The following DIP2B variants were observed in gnomAD, a reference collection of about 807,000 sequenced individuals.
DIP2B encodes DIP2 acetate--CoA ligase B (putative), also known as disco-interacting protein 2 homolog B.
DIP2B carries 76 observed loss-of-function variants against 198.0 expected under a neutral mutation model. The ratio of observed to expected loss-of-function variants is 0.38; its 90% confidence interval spans 0.32 to 0.46. The LOEUF (loss-of-function observed/expected upper bound fraction) is 0.46, where lower values mean the gene tolerates loss of function less well. Ranked by LOEUF, DIP2B falls within the 20% of genes least tolerant of loss-of-function variation. The pLI is 0.99. For missense variants in DIP2B, 1,559 were observed against 1,978.4 expected, an observed-to-expected ratio of 0.79 and a Z score of 4.02; for synonymous variants, 701 against 739.1, an observed-to-expected ratio of 0.95 and a Z score of 0.84.
At chr12:50,532,433 T>A (rs899326538) in intron 1 of DIP2B, among the ~76,000 whole-genome samples, 2 of 152,158 alleles carry the variant, frequency 1.3e-5, no homozygotes, top group Non-Finnish European at 2.9e-5. Flanking sequence ...GAGGATCGCT[T>A]GAATCTGGGA....
chr12:50,593,732 TCTCC>T (rs1958844871), intron 1 of DIP2B, among the ~76,000 whole-genome samples: 1 of 4,972 alleles, frequency 2.0e-4, no homozygotes, highest in African/African-American at 2.5e-3. Context: ...TCTCCTCTCC[TCTCC>T]TCTCCTCTCC....
intron 1 of DIP2B, among the ~76,000 whole-genome samples, chr12:50,623,647 A>T (rs1231476639): frequency 6.6e-6 from 1 of 152,014 alleles, no homozygotes; most frequent in Non-Finnish European, 1.5e-5. Flanking sequence ...AAATTTTTTT[A>T]ATTTTTTACG....
chr12:50,662,482 G>T (rs1938668942), intron 4 of DIP2B, among the ~76,000 whole-genome samples: 1 of 152,180 alleles, frequency 6.6e-6, no homozygotes, highest in Non-Finnish European at 1.5e-5. Flanking sequence ...TTATCATAAG[G>T]CTTCCATTAG....
At chr12:50,721,544 G>A in intron 26 of DIP2B, 148 bp downstream of exon 26, 1 of 1,232,038 alleles carries the variant, frequency 8.1e-7, no homozygotes, top group Non-Finnish European at 1.1e-6. Context: ...AGGCCAAAGT[G>A]GGAACCAATC....
At position 50,691,048 on chromosome 12, in the gene DIP2B, G is replaced by A; in HGVS notation, c.1552-1G>A. 1 of 1,612,402 alleles carries A rather than the reference G, an allele frequency of 6.2e-7. No homozygotes were observed. The highest frequency in any genetic ancestry group is 8.5e-7 in the Non-Finnish European group (1 of 1,178,980). ...CTTATGTTTCTGTTTTTGTTTTCTA[G>A]TATAAAACAAGCAAAGAAGGGAGTG... On this transcript the variant is annotated splice_acceptor_variant, in intron 12 of 37. Transcript: ENST00000301180. LOFTEE classifies it high-confidence loss of function.
At chr12:50,572,998 G>A (rs1293270113) in intron 1 of DIP2B, among the ~76,000 whole-genome samples, 1 of 152,192 alleles carries the variant, frequency 6.6e-6, no homozygotes, top group African/African-American at 2.4e-5. Flanking sequence ...GAACACTCTT[G>A]GCACTCAGAA....
chr12:50,555,484 T>C (rs1010978921), intron 1 of DIP2B, among the ~76,000 whole-genome samples: 48 of 152,326 alleles, frequency 3.2e-4, no homozygotes, highest in African/African-American at 1.1e-3. Context: ...TTTGTCCTTA[T>C]GGTTAATGCT....
At chr12:50,743,634 A>G (rs2139612152) in intron 37 of DIP2B, 1 of 152,310 alleles carries the variant, frequency 6.6e-6, no homozygotes, top group East Asian at 1.9e-4. Context: ...CAATCAAACT[A>G]TTCGTTCTAC....
chr12:50,542,491 A>G (rs1315479298), intron 1 of DIP2B, among the ~76,000 whole-genome samples: 1 of 152,150 alleles, frequency 6.6e-6, no homozygotes, highest in Non-Finnish European at 1.5e-5. Context: ...CCTGTGCTAT[A>G]TAGAGTATTA....
intron 1 of DIP2B, among the ~76,000 whole-genome samples, chr12:50,571,914 G>T (rs1483855071): frequency 6.6e-6 from 1 of 152,170 alleles, no homozygotes; most frequent in Non-Finnish European, 1.5e-5. Flanking sequence ...AGGCCTGGAA[G>T]TTTATTTAAA....
rs1958887311 is a variant in DIP2B, at chr12:50,597,325, G to A, written c.101-28651G>A. On this transcript the variant is annotated intron_variant, in intron 1 of 37. Coordinates refer to ENST00000301180, the MANE Select transcript of DIP2B (RefSeq NM_173602.3). The stretch of plus-strand genomic sequence containing the variant: ...TTTAAGAAAAGGCATTTGAAAATCT[G>A]GCATCTTATATTGAAATCTTTGGAT... Among the ~76,000 whole-genome samples, 8 of 152,240 alleles carry A rather than the reference G, an allele frequency of 5.3e-5. No homozygotes were observed. The South Asian group carries it at 1.7e-3, about 32-fold the overall frequency.
At chr12:50,523,394 C>G (rs561128237) in intron 1 of DIP2B, among the ~76,000 whole-genome samples, 1 of 151,960 alleles carries the variant, frequency 6.6e-6, no homozygotes, top group Non-Finnish European at 1.5e-5. Flanking sequence ...TTTTCCTCCA[C>G]CTATTTTCAC....
At chr12:50,718,009 C>T (rs1939764511) in intron 23 of DIP2B, among the ~76,000 whole-genome samples, 1 of 146,422 alleles carries the variant, frequency 6.8e-6, no homozygotes, top group Non-Finnish European at 1.5e-5. Context: ...AAGCAATTCT[C>T]CTGCCTCAGC....
At chr12:50,721,008 T>G (rs2139586119) in intron 25 of DIP2B, among the ~76,000 whole-genome samples, 1 of 152,236 alleles carries the variant, frequency 6.6e-6, no homozygotes, top group Admixed American at 6.5e-5. Flanking sequence ...GAGATCTTGC[T>G]GTGTTGCCCA....
In DIP2B at chr12:50,693,107, A is replaced by T. The variant is rs573686721; in HGVS notation, c.1719+94A>T. 3 of 1,236,900 alleles carry T rather than the reference A, an allele frequency of 2.4e-6. No homozygotes were observed. In the East Asian group the frequency reaches 7.3e-5, roughly 30 times the overall value. The allele number at this position is 1,236,900 out of a possible 1,614,324, so 76.6% of individuals were successfully genotyped here. ...TGGAGCATCTCTCAGTGCTTGTTTG[A>T]AATTTAAATCCCCAAAAGGTCAGTA... is the stretch of plus-strand genomic sequence containing the variant. On this transcript the variant is annotated intron_variant, in intron 14 of 37. Transcript: ENST00000301180.
At chr12:50,652,945 G>GTTT (rs34937091) in intron 3 of DIP2B, among the ~76,000 whole-genome samples, 5 of 145,350 alleles carry the variant, frequency 3.4e-5, no homozygotes, top group South Asian at 2.2e-4. Context: ...AAACACAACT[G>GTTT]TTTTTTTTTT....
At chr12:50,560,690 G>A (rs1185692851) in intron 1 of DIP2B, among the ~76,000 whole-genome samples, 3 of 152,228 alleles carry the variant, frequency 2.0e-5, no homozygotes, top group Admixed American at 2.0e-4. Flanking sequence ...GGCAGAGGTT[G>A]CAGTAAGCTG....
intron 1 of DIP2B, among the ~76,000 whole-genome samples, chr12:50,555,706 A>G (rs1283443254): frequency 6.6e-6 from 1 of 151,528 alleles, no homozygotes; most frequent in Non-Finnish European, 1.5e-5. Context: ...TACTTTTTCC[A>G]TCTCATTGGG....
At chr12:50,552,093 T>A (rs1346200802) in intron 1 of DIP2B, among the ~76,000 whole-genome samples, 1 of 152,136 alleles carries the variant, frequency 6.6e-6, no homozygotes, top group East Asian at 1.9e-4. Flanking sequence ...TTAAAATAGA[T>A]ATCCTAATGG....
Sources: gnomAD v4.1 joint callset for allele counts (sites outside exome capture counted in the v4.1 genomes callset) on GRCh38, gnomAD v4.1.1 for gene constraint, MANE v1.5 for transcripts, NCBI Gene and HGNC (gene_info 2026-07-23, HGNC 2026-07-21) for gene names.